Variants in WRN observed in about 807,000 individuals in gnomAD.
WRN encodes WRN RecQ like helicase.
Under a neutral mutation model 180.7 loss-of-function variants are expected in WRN, and 149 were observed. That is an observed-to-expected ratio of 0.82 (90% CI 0.72 to 0.94). The LOEUF is 0.94. Ranked by LOEUF, WRN falls within the 40% of genes least tolerant of loss-of-function variation. The probability of loss-of-function intolerance (pLI) is 0.00; values close to 1 mark genes in which losing one functional copy is unlikely to be tolerated. For synonymous variants in WRN, 548 were observed against 568.9 expected (o/e 0.96, Z 0.52); for missense variants, 1,661 against 1,700.1 (o/e 0.98, Z 0.40).
At chr8:31,055,369 T>G (rs1563324739) in intron 1 of WRN, among the ~76,000 whole-genome samples, 1 of 152,200 alleles carries the variant, frequency 6.6e-6, no homozygotes, top group Non-Finnish European at 1.5e-5. Flanking sequence ...ACCAACAGTG[T>G]AAAAGCATTC....
Position 31,116,418 on chromosome 8 carries a change from G to A in WRN, c.2338G>A (p.Val780Ile), listed in dbSNP as rs574787451. Residue 780 changes from valine to isoleucine, a missense_variant, in exon 20 of 35, where the codon GTT becomes ATT. Val to Ile is a conservative substitution (Grantham distance 29, BLOSUM62 3). Coordinates refer to ENST00000298139, the MANE Select transcript of WRN (RefSeq NM_000553.6). ...TCCTTCTAGAAAAATGACACAACAA[G>A]TTACAGGTGAACTTAGGAAACTGAA... is the stretch of plus-strand genomic sequence containing the variant. ...YCPSRKMTQQ[V>I]TGELRKLNLS... The A allele has an allele frequency of 2.4e-4, 385 of 1,614,014 alleles. 2 individuals are homozygous for A. The South Asian group carries it at 4.0e-3, about 17-fold the overall frequency.
At chr8:31,138,208 C>T (rs1020510874) in intron 24 of WRN, among the ~76,000 whole-genome samples, 3 of 152,062 alleles carry the variant, frequency 2.0e-5, no homozygotes, top group Admixed American at 6.6e-5. Flanking sequence ...CTTTGAACCT[C>T]TGATAATTTG....
intron 23 of WRN, among the ~76,000 whole-genome samples, chr8:31,127,794 T>G (rs184412938): frequency 1.1e-4 from 16 of 152,144 alleles, no homozygotes; most frequent in African/African-American, 3.4e-4. Context: ...CATAGCATTA[T>G]GTGCCTCTAG....
chr8:31,143,514 A>C (rs764945838), intron 27 of WRN, 36 bp from the exon 28 acceptor site: 12 of 1,460,254 alleles, frequency 8.2e-6, no homozygotes, highest in Non-Finnish European at 1.1e-5. Context: ...GTTTTTTGAA[A>C]CTTTTTTTAA....
intron 33 of WRN, among the ~76,000 whole-genome samples, chr8:31,160,274 C>T (rs10282891): frequency 3.0e-4 from 46 of 152,244 alleles, no homozygotes; most frequent in African/African-American, 1.1e-3. Flanking sequence ...GTGATACTTA[C>T]GAATTAACGA....
intron 23 of WRN, among the ~76,000 whole-genome samples, chr8:31,129,538 A>G (rs1802061437): frequency 6.6e-6 from 1 of 152,234 alleles, no homozygotes; most frequent in Non-Finnish European, 1.5e-5. Context: ...GAAGTAAATA[A>G]GCAGATAAAC....
intron 1 of WRN, among the ~76,000 whole-genome samples, chr8:31,037,947 A>T (rs1027338406): frequency 2.6e-5 from 4 of 152,168 alleles, no homozygotes; most frequent in African/African-American, 9.7e-5. Context: ...TGGCTGAATA[A>T]TATTCCATTT....
intron 34 of WRN, among the ~76,000 whole-genome samples, chr8:31,170,808 T>G (rs1250586274): frequency 6.6e-6 from 1 of 152,182 alleles, no homozygotes; most frequent in Non-Finnish European, 1.5e-5. Flanking sequence ...AAATACTTAT[T>G]GTTGACACTC....
At chr8:31,083,822 A>G (rs1357845272) in intron 10 of WRN, 43 bp downstream of exon 10, 1 of 1,295,456 alleles carries the variant, frequency 7.7e-7, no homozygotes, top group East Asian at 2.4e-5. Context: ...GTTCTTTCCA[A>G]AGGACATTTA....
At position 31,167,003 on chromosome 8, in the gene WRN, G is replaced by T. The variant is rs2130513929; in HGVS notation, c.3983-19G>T. ...TCTCTGTAATTTATTTTGAAATGGA[G>T]TTTTTTTATCGTTTACAGATATGAG... On this transcript the variant is annotated intron_variant, in intron 33 of 34. Transcript: ENST00000298139. The T allele has an allele frequency of 6.2e-7, 1 of 1,601,240 alleles. No individual in the cohort carries two copies. The highest frequency in any genetic ancestry group is 8.5e-7 in the Non-Finnish European group (1 of 1,169,894).
rs1801862577 is a variant in WRN at position 31,124,982 on chromosome 8, G to A, written c.2807G>A (p.Cys936Tyr). Residue 936 changes from cysteine (C) to tyrosine (Y), a missense_variant, in exon 23 of 35, where the codon TGT becomes TAT. Transcript: ENST00000298139. ...SLGIMGTEKC[C>Y]DNCRSRLDHC... is the part of the protein sequence containing the mutation. ...GGAATTATGGGAACTGAAAAATGCT[G>A]TGATAATTGCAGGTCCAGGTAAAGA... 1.9e-6 allele frequency: 3 copies of A among 1,613,078 alleles called. No homozygotes were observed. Among genetic ancestry groups the A allele is most frequent in the Non-Finnish European group, 2.5e-6 (3 of 1,179,396 alleles).
chr8:31,143,056 T>TTCTCTC (rs386724139), intron 27 of WRN, among the ~76,000 whole-genome samples: 1 of 115,590 alleles, frequency 8.7e-6, no homozygotes, highest in Admixed American at 9.5e-5. Flanking sequence ...CACACACACA[T>TTCTCTC]TCTCTCTCTC....
rs777679266 is a variant in WRN at position 31,087,857 on chromosome 8, A to G, written c.1513A>G (p.Thr505Ala). 6.2e-7 allele frequency: 1 copy of G among 1,613,662 alleles called. No homozygotes were observed. The highest frequency in any genetic ancestry group is 8.5e-7 in the Non-Finnish European group (1 of 1,179,838). Residue 505 changes from threonine to alanine, a missense_variant, in exon 12 of 35, where the codon ACT becomes GCT. By Grantham distance (58) the Thr-to-Ala change is moderately conservative. Transcript: ENST00000298139. ...AATGGAAAGAAATCTGGGTCTTCCT[A>G]CTAAAGAAGAAGAAGAAGATGATGA... ...LKMERNLGLP[T>A]KEEEEDDENE...
At chr8:31,086,325 C>T (rs1195343058) in intron 11 of WRN, among the ~76,000 whole-genome samples, 1 of 152,060 alleles carries the variant, frequency 6.6e-6, no homozygotes, top group Non-Finnish European at 1.5e-5. Context: ...GTAATCTCAG[C>T]ACTTTGGGAG....
Position 31,174,118 on chromosome 8 carries a change from T to C in WRN, c.*1016T>C, listed in dbSNP as rs1241574499. Reference sequence around the variant, plus strand: ...TTTTGTGTATCCCACCAGACTTTTTTATATTCATTTGTTTTTAGTTAAAAT... The same window carrying C: ...TTTTGTGTATCCCACCAGACTTTTTCATATTCATTTGTTTTTAGTTAAAAT... On this transcript the variant is annotated 3_prime_UTR_variant, in exon 35 of 35. Transcript: ENST00000298139. Among the ~76,000 whole-genome samples, 1 of 152,268 alleles carries C rather than the reference T, an allele frequency of 6.6e-6. No homozygotes were observed. The highest frequency in any genetic ancestry group is 2.1e-4 in the South Asian group (1 of 4,832).
chr8:31,058,565 C>T (rs1377304224), intron 2 of WRN, 22 bp downstream of exon 2: 7 of 1,607,952 alleles, frequency 4.4e-6, no homozygotes, highest in Non-Finnish European at 5.1e-6. Context: ...ATTGACTATT[C>T]TTTTGGGTGA....
intron 19 of WRN, among the ~76,000 whole-genome samples, chr8:31,114,496 A>C (rs1338253166): frequency 6.6e-6 from 1 of 152,194 alleles, no homozygotes; most frequent in Non-Finnish European, 1.5e-5. Context: ...CATAAGTTCA[A>C]ATTTTTACAT....
rs778671247 is a variant in WRN at position 31,173,446 on chromosome 8, A to G, written c.*344A>G. ...GATTTGATATAGATAACAGATTAGT[A>G]GTTACATGGTAATTATGTGATATAA... On this transcript the variant is annotated 3_prime_UTR_variant, in exon 35 of 35. Coordinates refer to ENST00000298139, the MANE Select transcript of WRN (RefSeq NM_000553.6). 3.6e-5 allele frequency: 9 copies of G among 251,306 alleles called. No individual in the cohort carries two copies. The highest frequency in any genetic ancestry group is 6.2e-5 in the Non-Finnish European group (8 of 128,714). 15.6% of individuals were successfully genotyped at this position (251,306 alleles called of 1,614,324 possible).
At chr8:31,095,433 G>A (rs957201219) in intron 16 of WRN, among the ~76,000 whole-genome samples, 4 of 152,030 alleles carry the variant, frequency 2.6e-5, no homozygotes, top group Non-Finnish European at 4.4e-5. Context: ...CCAGTTTGTC[G>A]ATTCGTTCTT....
Sources: allele counts gnomAD v4.1 joint callset (sites outside exome capture counted in the v4.1 genomes callset), GRCh38; gene constraint gnomAD v4.1.1; transcripts MANE v1.5; gene names NCBI Gene and HGNC (gene_info 2026-07-23, HGNC 2026-07-21).